ENPEP: variants seen among roughly 807,000 people sequenced by gnomAD.
ENPEP encodes the protein glutamyl aminopeptidase, also known as AP-A.
A neutral mutation model predicts 114.5 loss-of-function variants in ENPEP; 103 were observed. The ratio of observed to expected loss-of-function variants is 0.90; its 90% CI spans 0.77 to 1.06. ENPEP has a LOEUF of 1.06. Among genes scored for constraint, ENPEP ranks in the 50% least tolerant of loss-of-function variants. The pLI, the probability that ENPEP is intolerant of heterozygous loss-of-function variation, is 0.00. For synonymous variants in ENPEP, 420 were observed against 422.0 expected (o/e 1.00, Z 0.06); for missense variants, 1,196 against 1,161.3 (o/e 1.03, Z -0.43).
Position 110,548,220 on chromosome 4 carries a change from A to G in ENPEP, c.2045A>G (p.Tyr682Cys). 1 of 1,576,900 alleles carries G rather than the reference A, an allele frequency of 6.3e-7. No individual in the cohort carries two copies. The change falls in exon 14 of 20, where the codon TAT becomes TGT. Residue 682 changes from tyrosine to cysteine, a missense_variant. Physicochemically the swap from Tyr to Cys is radical, Grantham distance 194. Transcript: ENST00000265162. Reference sequence around the variant, plus strand: ...AAGGTGGCTTTGAACTTGACCAAGTATCTCAAAAGGGAAGAGAATTTTTTA... The same window carrying G: ...AAGGTGGCTTTGAACTTGACCAAGTGTCTCAAAAGGGAAGAGAATTTTTTA... ...DYKVALNLTK[Y>C]LKREENFLPW...
chr4:110,478,812 G>T (rs1006628755), intron 1 of ENPEP, among the ~76,000 whole-genome samples: 5 of 152,164 alleles, frequency 3.3e-5, no homozygotes, highest in Non-Finnish European at 1.5e-5. Context: ...AAATTATATT[G>T]TTGAGCATTT....
intron 18 of ENPEP, among the ~76,000 whole-genome samples, chr4:110,553,717 G>A (rs188442510): frequency 2.0e-5 from 3 of 152,032 alleles, no homozygotes; most frequent in East Asian, 3.9e-4. Context: ...TTTTAGTTTG[G>A]TTAAAACAAG....
At chr4:110,498,768 A>G (rs1013153905) in intron 3 of ENPEP, among the ~76,000 whole-genome samples, 7 of 152,004 alleles carry the variant, frequency 4.6e-5, no homozygotes, top group Non-Finnish European at 7.4e-5. Flanking sequence ...GGTCTTTCCA[A>G]GTTCAAGGTT....
At chr4:110,531,381 C>T in intron 11 of ENPEP, 104 bp downstream of exon 11, 1 of 877,302 alleles carries the variant, frequency 1.1e-6, no homozygotes, top group South Asian at 3.6e-5. Flanking sequence ...ATGTAAACTT[C>T]AGCTAAGTGA....
intron 11 of ENPEP, among the ~76,000 whole-genome samples, chr4:110,539,083 A>G (rs531856975): frequency 1.8e-4 from 27 of 152,318 alleles, no homozygotes; most frequent in African/African-American, 6.3e-4. Flanking sequence ...AAAGTTTGAA[A>G]TATTGCAAGA....
At chr4:110,523,267 G>A (rs1726073074) in intron 10 of ENPEP, among the ~76,000 whole-genome samples, 1 of 152,158 alleles carries the variant, frequency 6.6e-6, no homozygotes, top group African/African-American at 2.4e-5. Context: ...AGATCTGATG[G>A]TTTTATAAGG....
At chr4:110,513,122 G>C (rs1373857923) in intron 6 of ENPEP, 1 of 218,712 alleles carries the variant, frequency 4.6e-6, no homozygotes, top group African/African-American at 2.3e-5. Flanking sequence ...GGCTTGAAAA[G>C]TTTGGCACAT....
At position 110,562,955 on chromosome 4, in the gene ENPEP, A is replaced by G. The variant is rs576622843; in HGVS notation, c.*1397A>G. 5.8e-4 allele frequency: 88 copies of G among 152,260 alleles called. No individual in the cohort carries two copies. The highest frequency in any genetic ancestry group is 2.1e-3 in the African/African-American group (87 of 41,562). The allele number at this position is 152,260 out of a possible 1,614,324, so 9.4% of individuals were successfully genotyped here. On this transcript the variant is annotated 3_prime_UTR_variant, in exon 20 of 20. Coordinates refer to ENST00000265162, the MANE Select transcript of ENPEP (RefSeq NM_001977.4). ...AATCATGTACTCTGAAACTTTATAA[A>G]CTTTCCTGTTGCTGTTTCTTAATTA...
intron 10 of ENPEP, among the ~76,000 whole-genome samples, chr4:110,522,505 CAG>C (rs1726037702): frequency 6.6e-6 from 1 of 152,204 alleles, no homozygotes; most frequent in East Asian, 1.9e-4. Flanking sequence ...AAAAGGAAAA[CAG>C]AGAAACTTGG....
chr4:110,564,144 C>T lies in ENPEP; in HGVS notation c.*2586C>T, dbSNP rs1727760077. 1 of 151,572 alleles carries T rather than the reference C, an allele frequency of 6.6e-6. No individual in the cohort carries two copies. The highest frequency in any genetic ancestry group is 1.5e-5 in the Non-Finnish European group (1 of 67,918). 9.4% of individuals were successfully genotyped at this position (151,572 alleles called of 1,614,324 possible). On this transcript the variant is annotated 3_prime_UTR_variant, in exon 20 of 20. Transcript: ENST00000265162. ...TTATAAACACTAGCACTCCACATAACATTAATTTTTACAAAACCCCCTTAA... is the reference window on the plus strand; with the variant it reads ...TTATAAACACTAGCACTCCACATAATATTAATTTTTACAAAACCCCCTTAA...
chr4:110,476,473 C>A lies in ENPEP; in HGVS notation c.59C>A (p.Ala20Asp). Residue 20 changes from alanine to aspartate, a missense_variant, in exon 1 of 20, where the codon GCC becomes GAC. Physicochemically the swap from Ala to Asp is moderately radical, Grantham distance 126 (BLOSUM62 -2). Coordinates refer to ENST00000265162, the MANE Select transcript of ENPEP (RefSeq NM_001977.4). ...KRYCIQTKHV[A>D]ILCAVVVGVG... Reference sequence around the variant, plus strand: ...TACTGCATTCAAACGAAACATGTGGCCATTCTCTGTGCGGTGGTGGTGGGT... The same window carrying A: ...TACTGCATTCAAACGAAACATGTGGACATTCTCTGTGCGGTGGTGGTGGGT... The A allele has an allele frequency of 6.4e-7, 1 of 1,561,098 alleles. No individual in the cohort carries two copies. The highest frequency in any genetic ancestry group is 8.7e-7 in the Non-Finnish European group (1 of 1,150,666).
intron 19 of ENPEP, among the ~76,000 whole-genome samples, chr4:110,560,836 G>A (rs1230354489): frequency 6.6e-6 from 1 of 152,186 alleles, no homozygotes; most frequent in African/African-American, 2.4e-5. Flanking sequence ...CTGTGTGTTA[G>A]ATATTGAATG....
At chr4:110,544,789 C>T (rs1451271178) in intron 13 of ENPEP, among the ~76,000 whole-genome samples, 1 of 152,092 alleles carries the variant, frequency 6.6e-6, no homozygotes, top group Admixed American at 6.6e-5. Flanking sequence ...ACAGCTCTCT[C>T]TGAGGAACTG....
At chr4:110,500,589 A>T (rs1393377663) in intron 3 of ENPEP, among the ~76,000 whole-genome samples, 1 of 152,174 alleles carries the variant, frequency 6.6e-6, no homozygotes, top group Non-Finnish European at 1.5e-5. Context: ...AGACATACGA[A>T]CTTTATATTT....
chr4:110,550,979 C>T (rs1261302483), intron 17 of ENPEP, among the ~76,000 whole-genome samples: 1 of 151,706 alleles, frequency 6.6e-6, no homozygotes, highest in Non-Finnish European at 1.5e-5. Context: ...CTTGGCTGGG[C>T]ACAGTGGCTC....
chr4:110,510,660 A>C (rs17623034), intron 6 of ENPEP, among the ~76,000 whole-genome samples: 1 of 151,854 alleles, frequency 6.6e-6, no homozygotes, highest in East Asian at 1.9e-4. Context: ...TCTGTGTTCC[A>C]GAAAGTATCT....
At position 110,509,683 on chromosome 4, in the gene ENPEP, G is replaced by A; in HGVS notation, c.1070G>A (p.Gly357Asp). The change falls in exon 5 of 20, where the codon GGT becomes GAT. Residue 357 changes from glycine (G) to aspartate (D), a missense_variant. Coordinates refer to ENST00000265162, the MANE Select transcript of ENPEP (RefSeq NM_001977.4). ...ATCGCTATTCCAGATTTTGGCACTGGTGCCATGGAGAACTGGGGACTCATC... is the reference window on the plus strand; with the variant it reads ...ATCGCTATTCCAGATTTTGGCACTGATGCCATGGAGAACTGGGGACTCATC... The part of the protein sequence containing the change: ...DKIAIPDFGT[G>D]AMENWGLITY... 1 of 1,613,590 alleles carries A rather than the reference G, an allele frequency of 6.2e-7. No individual in the cohort carries two copies. The highest frequency in any genetic ancestry group is 8.5e-7 in the Non-Finnish European group (1 of 1,179,890).
chr4:110,525,279 G>T (rs1276394676), intron 10 of ENPEP, among the ~76,000 whole-genome samples: 2 of 152,172 alleles, frequency 1.3e-5, no homozygotes, highest in Non-Finnish European at 2.9e-5. Flanking sequence ...CCAGTCCCGG[G>T]CCTGGCCCCA....
intron 3 of ENPEP, among the ~76,000 whole-genome samples, chr4:110,494,507 A>C (rs1185878358): frequency 6.6e-6 from 1 of 152,200 alleles, no homozygotes; most frequent in Non-Finnish European, 1.5e-5. Context: ...TATACTATGC[A>C]ATCTAAGAAT....
Sources: allele counts gnomAD v4.1 joint callset (sites outside exome capture counted in the v4.1 genomes callset), GRCh38; gene constraint gnomAD v4.1.1; transcripts MANE v1.5; gene names NCBI Gene and HGNC (gene_info 2026-07-23, HGNC 2026-07-21).